The following CACNA1C variants were observed in gnomAD, a reference collection of about 807,000 sequenced individuals.
CACNA1C encodes voltage-dependent L-type calcium channel subunit alpha-1C.
A neutral mutation model predicts 229.0 loss-of-function variants in CACNA1C; 30 were observed. The ratio of observed to expected loss-of-function variants is 0.13; its 90% CI spans 0.10 to 0.18. The LOEUF (loss-of-function observed/expected upper bound fraction) is 0.18. Ranked by LOEUF, CACNA1C falls within the 10% of genes least tolerant of loss-of-function variation. The pLI is 1.00. For missense variants in CACNA1C, 1,658 were observed against 2,845.0 expected (o/e 0.58, Z 9.49); for synonymous variants, 1,114 against 1,132.5 (o/e 0.98, Z 0.33).
Position 2,285,084 on chromosome 12 carries a change from C to T in CACNA1C, c.478-163892C>T, listed in dbSNP as rs2238058. On this transcript the variant is annotated intron_variant, in intron 3 of 46. Transcript: ENST00000399655. This position sits in a 1 kb window ranked among gnomAD's most constrained non-coding sequence, Gnocchi z 4.2. ...CTCTCCTGCTCTCTGGGAGGAGGGA[C>T]GGGCCGCTAAGTGCTGACGGCAGCC... 0.021 allele frequency among the ~76,000 whole-genome samples: 3,260 copies of T among 152,222 alleles called. 198 individuals are homozygous for T. The East Asian group carries it at 0.24, about 11-fold the overall frequency.
chr12:2,512,668 G>C lies in CACNA1C; in HGVS notation c.1218-144G>C, dbSNP rs2099787360. 10 of 597,912 alleles carry C rather than the reference G, an allele frequency of 1.7e-5. No homozygotes were observed. Among genetic ancestry groups the C allele is most frequent in the Non-Finnish European group, 2.6e-5 (9 of 344,488 alleles). 37.0% of individuals were successfully genotyped at this position (597,912 alleles called of 1,614,324 possible). ...TAGCGGAGCTGTCTGTGGAAAGTAG[G>C]GGCGTGTGGGCAGGTTTCTCCCTGC... is the stretch of plus-strand genomic sequence containing the variant. On this transcript the variant is annotated intron_variant, in intron 8 of 46. Coordinates refer to ENST00000399655, the MANE Select transcript of CACNA1C (RefSeq NM_000719.7). The surrounding 1 kb of genome is among the most constrained non-coding windows in gnomAD (Gnocchi z 4.3).
chr12:1,973,274 G>T (rs1056628246), intron 1 of CACNA1C, among the ~76,000 whole-genome samples: 3 of 152,132 alleles, frequency 2.0e-5, no homozygotes, highest in Non-Finnish European at 4.4e-5. Flanking sequence ...ATAATGGAAG[G>T]TTCAAAGCAG....
In CACNA1C at chr12:2,555,287, G is replaced by A. The variant is rs373454579; in HGVS notation, c.1482-1664G>A. ...CCGCTTGCACTGTGAGCAAGACAAC[G>A]CCTCATGGCAAAGGGCCGGTGGTCG... On this transcript the variant is annotated intron_variant, in intron 10 of 46. Coordinates refer to ENST00000399655, the MANE Select transcript of CACNA1C (RefSeq NM_000719.7). Among the ~76,000 whole-genome samples, 6 of 152,354 alleles carry A rather than the reference G, an allele frequency of 3.9e-5. No individual in the cohort carries two copies. The South Asian group carries it at 1.2e-3, about 32-fold the overall frequency.
intron 30 of CACNA1C, chr12:2,641,701 T>C (rs1245188251): frequency 8.5e-6 from 6 of 702,482 alleles, no homozygotes; most frequent in Middle Eastern, 2.3e-4. Flanking sequence ...TAATAGATCA[T>C]TGTACCTTGA....
Position 2,691,535 on chromosome 12 carries a change from G to A in CACNA1C, c.*336G>A, listed in dbSNP as rs1363171921. The A allele has an allele frequency of 3.7e-6, 1 of 269,272 alleles. No individual in the cohort carries two copies. The highest frequency in any genetic ancestry group is 6.5e-5 in the East Asian group (1 of 15,356). 16.7% of individuals were successfully genotyped at this position (269,272 alleles called of 1,614,324 possible). ...GCGCCCTCACCAAAAGGACCCTACAGCAAACGGGTGTCTTTCGACTCTGCT... is the reference window on the plus strand; with the variant it reads ...GCGCCCTCACCAAAAGGACCCTACAACAAACGGGTGTCTTTCGACTCTGCT... On this transcript the variant is annotated 3_prime_UTR_variant, in exon 47 of 47. Coordinates refer to ENST00000399655, the MANE Select transcript of CACNA1C (RefSeq NM_000719.7).
chr12:2,551,436 T>A lies in CACNA1C; in HGVS notation c.1481+1403T>A, dbSNP rs1167809153. Among the ~76,000 whole-genome samples, 8 of 152,286 alleles carry A rather than the reference T, an allele frequency of 5.3e-5. No individual in the cohort carries two copies. In the East Asian group the frequency reaches 1.5e-3, roughly 29 times the overall value. The stretch of plus-strand genomic sequence containing the variant: ...GCAGAAATGGTCCCCGTTATCCCCA[T>A]GTTTAGCCACATTCGTACTCTGTGC... On this transcript the variant is annotated intron_variant, in intron 10 of 46. Coordinates refer to ENST00000399655, the MANE Select transcript of CACNA1C (RefSeq NM_000719.7).
At chr12:2,173,726 A>G (rs2096563754) in intron 3 of CACNA1C, among the ~76,000 whole-genome samples, 1 of 152,022 alleles carries the variant, frequency 6.6e-6, no homozygotes, top group Non-Finnish European at 1.5e-5. Context: ...CCCCACTGCC[A>G]CCACCACTAG....
intron 9 of CACNA1C, among the ~76,000 whole-genome samples, chr12:2,526,184 G>A (rs564450237): frequency 2.0e-5 from 3 of 152,230 alleles, no homozygotes; most frequent in Non-Finnish European, 2.9e-5. Flanking sequence ...CAAAAATTAC[G>A]GAATTCTAAA....
rs937801993 is a variant in CACNA1C, at chr12:2,152,410, T to A, written c.477+31980T>A. On this transcript the variant is annotated intron_variant, in intron 3 of 46. Coordinates refer to ENST00000399655, the MANE Select transcript of CACNA1C (RefSeq NM_000719.7). The surrounding 1 kb of genome is among the most constrained non-coding windows in gnomAD (Gnocchi z 4.2). Reference sequence around the variant, plus strand: ...CCGGTGTGTGCCCTTGAAGGCAAAGTCATGCCTGCCCTTTCCCTTTCTCCC... The same window carrying A: ...CCGGTGTGTGCCCTTGAAGGCAAAGACATGCCTGCCCTTTCCCTTTCTCCC... 2.0e-5 allele frequency among the ~76,000 whole-genome samples: 3 copies of A among 152,240 alleles called. No individual in the cohort carries two copies. The highest frequency in any genetic ancestry group is 6.5e-5 in the Admixed American group (1 of 15,284).
chr12:2,431,614 GAAT>G (rs1289244757), intron 3 of CACNA1C, among the ~76,000 whole-genome samples: 1 of 152,172 alleles, frequency 6.6e-6, no homozygotes, highest in Non-Finnish European at 1.5e-5. Context: ...TGTAAAATGA[GAAT>G]AATGATGATA....
At chr12:2,194,214 T>C (rs1428946066) in intron 3 of CACNA1C, among the ~76,000 whole-genome samples, 8 of 138,832 alleles carry the variant, frequency 5.8e-5, no homozygotes, top group Admixed American at 4.4e-4. Context: ...CCTGTGTTCC[T>C]CCTCCTCCTT....
At chr12:2,130,367 T>C (rs2091908690) in intron 3 of CACNA1C, among the ~76,000 whole-genome samples, 1 of 148,638 alleles carries the variant, frequency 6.7e-6, no homozygotes. Flanking sequence ...GTTAGTTACA[T>C]ATGTATACAT....
intron 1 of CACNA1C, among the ~76,000 whole-genome samples, chr12:2,111,325 C>T (rs1221683382): frequency 6.6e-6 from 1 of 152,236 alleles, no homozygotes; most frequent in African/African-American, 2.4e-5. Context: ...GGGCTCTGCA[C>T]AGCCAGCTGC....
At chr12:2,039,894 C>T (rs1270744620) in intron 1 of CACNA1C, among the ~76,000 whole-genome samples, 4 of 152,104 alleles carry the variant, frequency 2.6e-5, no homozygotes, top group Non-Finnish European at 5.9e-5. Flanking sequence ...GTGTTGGCTG[C>T]CTATATATGT....
intron 5 of CACNA1C, among the ~76,000 whole-genome samples, chr12:2,484,846 A>G (rs1427677260): frequency 6.6e-6 from 1 of 151,696 alleles, no homozygotes; most frequent in African/African-American, 2.4e-5. Context: ...TCTTGTTCTA[A>G]TGGGAGGCTG....
In CACNA1C at chr12:2,501,078, G is replaced by A. The variant is rs902236281; in HGVS notation, c.1114-3764G>A. On this transcript the variant is annotated intron_variant, in intron 7 of 46. Coordinates refer to ENST00000399655, the MANE Select transcript of CACNA1C (RefSeq NM_000719.7). ...AAAAAAATTAGCCAGGTGTGGTGGC[G>A]GGTGCCTGTAGTCCCTGCTACTCGG... Among the ~76,000 whole-genome samples, 7 of 150,926 alleles carry A rather than the reference G, an allele frequency of 4.6e-5. No homozygotes were observed. In the East Asian group the frequency reaches 7.8e-4, roughly 17 times the overall value.
chr12:2,372,358 G>T (rs1270423580), intron 3 of CACNA1C, among the ~76,000 whole-genome samples: 1 of 152,188 alleles, frequency 6.6e-6, no homozygotes, highest in African/African-American at 2.4e-5. Context: ...GTCAGTGTGA[G>T]CAGACTGTGC....
intron 3 of CACNA1C, among the ~76,000 whole-genome samples, chr12:2,369,397 A>G (rs1377623673): frequency 1.5e-5 from 2 of 133,498 alleles, no homozygotes; most frequent in African/African-American, 5.3e-5. Flanking sequence ...AAATAACTTT[A>G]CATACCTTTT....
intron 4 of CACNA1C, among the ~76,000 whole-genome samples, chr12:2,451,442 G>C (rs1333232771): frequency 6.6e-6 from 1 of 152,220 alleles, no homozygotes; most frequent in Non-Finnish European, 1.5e-5. Context: ...GACGAATTTT[G>C]TTTAGGCAAA....
Sources: allele counts gnomAD v4.1 joint callset (sites outside exome capture counted in the v4.1 genomes callset), GRCh38; gene constraint gnomAD v4.1.1; non-coding constraint Gnocchi (gnomAD v3.1); transcripts MANE v1.5; gene names NCBI Gene and HGNC (gene_info 2026-07-23, HGNC 2026-07-21).